The following CRTAC1 variants were observed in gnomAD, a reference collection of about 807,000 sequenced individuals.
CRTAC1 encodes acidic secreted protein in cartilage.
A neutral mutation model predicts 67.8 loss-of-function variants in CRTAC1; 37 were observed. The observed-to-expected ratio is 0.55, with a 90% CI of 0.42 to 0.72. The LOEUF (loss-of-function observed/expected upper bound fraction) is 0.72, where lower values mean the gene tolerates loss of function less well. Ranked by LOEUF, CRTAC1 falls within the 30% of genes least tolerant of loss-of-function variation. CRTAC1 has a pLI of 0.00. For synonymous variants in CRTAC1, 348 were observed against 371.0 expected (o/e 0.94, Z 0.71); for missense variants, 780 against 931.6 (o/e 0.84, Z 2.12).
At chr10:97,865,981 C>T in intron 14 of CRTAC1, 1 of 452,748 alleles carries the variant, frequency 2.2e-6, no homozygotes. Flanking sequence ...CCTAGGAAGG[C>T]TGGGGTGGGG....
At chr10:97,955,735 CAT>C (rs1312837600) in intron 2 of CRTAC1, among the ~76,000 whole-genome samples, 1 of 152,180 alleles carries the variant, frequency 6.6e-6, no homozygotes, top group Non-Finnish European at 1.5e-5. Context: ...AGGATGATGA[CAT>C]GTTCTTCTTG....
intron 1 of CRTAC1, among the ~76,000 whole-genome samples, chr10:98,021,806 A>C (rs1843126910): frequency 6.6e-6 from 1 of 152,110 alleles, no homozygotes; most frequent in Non-Finnish European, 1.5e-5. Context: ...GGGCTATGAG[A>C]CTTTGAGGAA....
At chr10:97,991,488 C>G (rs1329696523) in intron 2 of CRTAC1, among the ~76,000 whole-genome samples, 1 of 151,172 alleles carries the variant, frequency 6.6e-6, no homozygotes, top group Non-Finnish European at 1.5e-5. Flanking sequence ...ATTTTATCCC[C>G]CCGATAAAAA....
intron 7 of CRTAC1, among the ~76,000 whole-genome samples, chr10:97,901,907 A>C (rs1335255379): frequency 6.6e-6 from 1 of 152,208 alleles, no homozygotes; most frequent in Non-Finnish European, 1.5e-5. Context: ...ACACCTGTCC[A>C]TCCCTTCTGT....
At chr10:97,904,470 G>A (rs1024145848) in intron 7 of CRTAC1, among the ~76,000 whole-genome samples, 199 bp downstream of exon 7, 1 of 152,064 alleles carries the variant, frequency 6.6e-6, no homozygotes, top group African/African-American at 2.4e-5. Flanking sequence ...CACTCAGGCT[G>A]GAGTGCAGTA....
chr10:97,903,802 C>G (rs897539985), intron 7 of CRTAC1, among the ~76,000 whole-genome samples: 2 of 152,122 alleles, frequency 1.3e-5, no homozygotes, highest in Non-Finnish European at 2.9e-5. Context: ...CTGTCACTAA[C>G]AGCCCTTTTG....
intron 2 of CRTAC1, among the ~76,000 whole-genome samples, chr10:97,972,993 G>A (rs549605051): frequency 2.0e-5 from 3 of 152,132 alleles, no homozygotes; most frequent in African/African-American, 7.2e-5. Flanking sequence ...CATTTGCAGA[G>A]GCACAGAAAG....
intron 5 of CRTAC1, among the ~76,000 whole-genome samples, chr10:97,911,702 T>C (rs918908821): frequency 1.6e-4 from 25 of 152,248 alleles, no homozygotes; most frequent in African/African-American, 6.0e-4. Context: ...CATCATTATG[T>C]AGGCTGCCAT....
chr10:97,924,647 C>T lies in CRTAC1; in HGVS notation c.422-1247G>A, dbSNP rs181921157. 2.0e-3 allele frequency among the ~76,000 whole-genome samples: 298 copies of T among 152,304 alleles called. 4 individuals are homozygous for T. The highest frequency in any genetic ancestry group is 0.01 in the Middle Eastern group (3 of 294). ...TTGTGAGTGGGGATGACAGTAGTTA[C>T]AGTCAAGTTTACTGTGAGGAATAAA... On this transcript the variant is annotated intron_variant, in intron 3 of 14. Coordinates refer to ENST00000370597, the MANE Select transcript of CRTAC1 (RefSeq NM_018058.7).
At chr10:97,889,161 G>T (rs1345311332) in intron 11 of CRTAC1, among the ~76,000 whole-genome samples, 1 of 151,372 alleles carries the variant, frequency 6.6e-6, no homozygotes, top group African/African-American at 2.4e-5. Context: ...GAGGGAGAAT[G>T]GTTGGGGTGG....
intron 2 of CRTAC1, among the ~76,000 whole-genome samples, chr10:97,961,145 C>T (rs1465864084): frequency 6.6e-6 from 1 of 152,128 alleles, no homozygotes; most frequent in African/African-American, 2.4e-5. Flanking sequence ...GTGAGCCTCA[C>T]CTGCCTTAGG....
At chr10:97,952,169 G>A (rs576353575) in intron 2 of CRTAC1, among the ~76,000 whole-genome samples, 3 of 152,098 alleles carry the variant, frequency 2.0e-5, no homozygotes, top group East Asian at 3.9e-4. Flanking sequence ...TGGCTAACAC[G>A]GTGAAACCCC....
chr10:97,892,952 C>T (rs754392871), intron 11 of CRTAC1, among the ~76,000 whole-genome samples: 22 of 152,196 alleles, frequency 1.4e-4, no homozygotes, highest in Non-Finnish European at 2.2e-4. Context: ...TTGGAGCACA[C>T]ACACACGACA....
At chr10:97,950,246 CAGAGAG>C (rs71007371) in intron 2 of CRTAC1, among the ~76,000 whole-genome samples, 1,318 of 113,366 alleles carry the variant, frequency 0.012, 10 homozygotes, top group Non-Finnish European at 0.015. Context: ...CACACACACA[CAGAGAG>C]AGAGAGAGAG....
chr10:97,970,460 G>T (rs1325291086), intron 2 of CRTAC1, among the ~76,000 whole-genome samples: 1 of 152,194 alleles, frequency 6.6e-6, no homozygotes, highest in Non-Finnish European at 1.5e-5. Context: ...GGCCAGCGTG[G>T]TCTGCTGCTG....
chr10:98,028,767 G>T (rs1406458663), intron 1 of CRTAC1, among the ~76,000 whole-genome samples: 1 of 152,184 alleles, frequency 6.6e-6, no homozygotes, highest in Non-Finnish European at 1.5e-5. Context: ...CGATGGAGCT[G>T]GGGGTTGGGA....
chr10:97,904,609 CAG>C (rs2050584167), intron 7 of CRTAC1, 58 bp downstream of exon 7: 1 of 1,454,824 alleles, frequency 6.9e-7, no homozygotes, highest in Non-Finnish European at 9.1e-7. Context: ...TTAGTAGAGA[CAG>C]GGTTTTGCCA....
chr10:97,968,213 G>A (rs994389801), intron 2 of CRTAC1, among the ~76,000 whole-genome samples: 4 of 152,178 alleles, frequency 2.6e-5, no homozygotes, highest in African/African-American at 4.8e-5. Context: ...GCTCCCTTAA[G>A]GTCCTGGGTG....
chr10:97,914,462 C>T (rs1008873347), intron 5 of CRTAC1, among the ~76,000 whole-genome samples: 3 of 152,244 alleles, frequency 2.0e-5, no homozygotes, highest in African/African-American at 7.2e-5. Flanking sequence ...TCTCACAACA[C>T]TCTCATTTTG....
Sources: gnomAD v4.1 joint callset for allele counts (sites outside exome capture counted in the v4.1 genomes callset) on GRCh38, gnomAD v4.1.1 for gene constraint, MANE v1.5 for transcripts, NCBI Gene and HGNC (gene_info 2026-07-23, HGNC 2026-07-21) for gene names.